The following NOC4L variants were observed in gnomAD, a reference collection of about 807,000 sequenced individuals.
The protein encoded by NOC4L is nucleolar complex associated 4 homolog.
In NOC4L, 40 loss-of-function variants were observed where a neutral mutation model predicts 62.8. The observed-to-expected ratio is 0.64, with a 90% CI of 0.49 to 0.83. NOC4L has a LOEUF of 0.83. Among genes scored for constraint, NOC4L ranks in the 40% least tolerant of loss-of-function variants. The pLI is 0.00. For synonymous variants in NOC4L, 433 were observed against 299.8 expected, an observed-to-expected ratio of 1.44 and a Z score of -4.59; for missense variants, 927 against 701.9, an observed-to-expected ratio of 1.32 and a Z score of -3.62.
chr12:132,145,479 G>C, intron 2 of NOC4L, 80 bp from the exon 3 acceptor site: 1 of 914,592 alleles, frequency 1.1e-6, no homozygotes, highest in Non-Finnish European at 1.7e-6. Context: ...GGAGGGTGGA[G>C]CCAGGCCTGA....
chr12:132,144,825 C>G lies in NOC4L; in HGVS notation c.118-29C>G, dbSNP rs778600944. On this transcript the variant is annotated intron_variant, in intron 1 of 14. Transcript: ENST00000330579. ...AGGGGCGAAGGTGACAGTTGGCGGC[C>G]GGGCACCCTGCCGCCGCCTCTCCTG... 3 of 1,585,200 alleles carry G rather than the reference C, an allele frequency of 1.9e-6. No homozygotes were observed. In the South Asian group the frequency reaches 3.4e-5, roughly 18 times the overall value.
At position 132,147,363 on chromosome 12, in the gene NOC4L, A is replaced by G. The variant is rs1203487380; in HGVS notation, c.428A>G (p.Tyr143Cys). ...GAGAAGTCCAAGTGGGAAGGCAACT[A>G]CCTGTTCCCCCGAGAGCTCTTCAAG... ...PLEKSKWEGN[Y>C]LFPRELFKLV... Residue 143 changes from tyrosine (Y) to cysteine (C), a missense_variant, in exon 4 of 15, where the codon TAC becomes TGC. Tyr to Cys is a radical substitution (Grantham distance 194). Transcript: ENST00000330579. 1.3e-6 allele frequency: 2 copies of G among 1,596,706 alleles called. No individual in the cohort carries two copies. Among genetic ancestry groups the G allele is most frequent in the East Asian group, 4.5e-5 (2 of 44,178 alleles).
intron 3 of NOC4L, 125 bp from the exon 4 acceptor site, chr12:132,147,156 A>ATCTC: frequency 1.1e-5 from 7 of 627,376 alleles, no homozygotes; most frequent in South Asian, 7.4e-5. Flanking sequence ...GTGGAGCAAG[A>ATCTC]GAAGGCCCGG....
intron 8 of NOC4L, 27 bp from the exon 9 acceptor site, chr12:132,148,757 C>T: frequency 8.1e-7 from 1 of 1,239,590 alleles, no homozygotes; most frequent in Non-Finnish European, 1.1e-6. Flanking sequence ...ACCCGCCCCT[C>T]ACCCCCACCT....
At chr12:132,148,221 A>T in intron 7 of NOC4L, 115 bp downstream of exon 7, 2 of 1,103,102 alleles carry the variant, frequency 1.8e-6, no homozygotes, top group Non-Finnish European at 1.3e-6. Context: ...CCCAGGGTAC[A>T]GGTGGCAGCT....
At chr12:132,148,993 GCCGCCT>G in intron 9 of NOC4L, 98 bp downstream of exon 9, 1 of 177,496 alleles carries the variant, frequency 5.6e-6, no homozygotes, top group Non-Finnish European at 1.0e-5. Flanking sequence ...GGTGAGTGCC[GCCGCCT>G]CACTCCTACC....
Position 132,151,560 on chromosome 12 carries a change from C to G in NOC4L, c.1150C>G (p.Leu384Val), listed in dbSNP as rs371477600. 6.2e-7 allele frequency: 1 copy of G among 1,610,216 alleles called. No homozygotes were observed. The highest frequency in any genetic ancestry group is 8.5e-7 in the Non-Finnish European group (1 of 1,179,316). The change falls in exon 12 of 15, where the codon CTG becomes GTG. Residue 384 changes from leucine to valine, a missense_variant. By Grantham distance (32) the Leu-to-Val change is conservative. Transcript: ENST00000330579. ...RLALTAPPEA[L>V]LMVLPFICNL... ...GGCCCTGACGGCTCCCCCTGAGGCC[C>G]TGCTCATGGTCCTGCCTTTCATCTG...
chr12:132,147,979 G>A lies in NOC4L; in HGVS notation c.703G>A (p.Glu235Lys). The change falls in exon 6 of 15, where the codon GAG (glutamate) becomes AAG (lysine). Residue 235 changes from glutamate (E) to lysine (K), a missense_variant and splice_region_variant. Glu to Lys is a moderately conservative substitution (Grantham distance 56). Coordinates refer to ENST00000330579, the MANE Select transcript of NOC4L (RefSeq NM_024078.3). Reference protein sequence around the residue: ...TVSSFYVKRAELWDTWKVAHL... With the variant: ...TVSSFYVKRAKLWDTWKVAHL... ...CTCCAGCTTCTATGTGAAGCGGGCG[G>A]GTGAGTGTGCTGAGAGTCAGGGGCG... 6.2e-7 allele frequency: 1 copy of A among 1,611,296 alleles called. No individual in the cohort carries two copies. The highest frequency in any genetic ancestry group is 8.5e-7 in the Non-Finnish European group (1 of 1,179,138).
intron 9 of NOC4L, 90 bp from the exon 10 acceptor site, chr12:132,150,891 C>G (rs1487192333): frequency 1.1e-6 from 1 of 944,404 alleles, no homozygotes; most frequent in Non-Finnish European, 1.6e-6. Flanking sequence ...GGGGCAGAGG[C>G]CACACTCCAC....
chr12:132,144,794 C>G (rs1897644088), intron 1 of NOC4L, 60 bp from the exon 2 acceptor site: 4 of 1,563,382 alleles, frequency 2.6e-6, no homozygotes, highest in Admixed American at 1.9e-5. Flanking sequence ...TGGGGGCAGC[C>G]TAGGCAGGGG....
rs780800497 is a variant in NOC4L at position 132,151,028 on chromosome 12, C to G, written c.949C>G (p.His317Asp). Residue 317 changes from histidine (H) to aspartate (D), a missense_variant, in exon 10 of 15, where the codon CAC becomes GAC. By Grantham distance (81) the His-to-Asp change is moderately conservative. Coordinates refer to ENST00000330579, the MANE Select transcript of NOC4L (RefSeq NM_024078.3). ...LALNGLFILI[H>D]KHNLEYPDFY... is the part of the protein sequence containing the mutation. ...CTTGAACGGGCTGTTCATCTTGATT[C>G]ACAAACACAACCTGTGAGTGTCACC... The G allele has an allele frequency of 1.9e-6, 3 of 1,611,172 alleles. No individual in the cohort carries two copies. The highest frequency in any genetic ancestry group is 1.1e-5 in the South Asian group (1 of 90,838).
chr12:132,151,714 C>T, intron 12 of NOC4L, 24 bp from the exon 13 acceptor site: 1 of 1,612,272 alleles, frequency 6.2e-7, no homozygotes. Context: ...GGACGGCAGA[C>T]AAGGGCCCAC....
Position 132,151,566 on chromosome 12 carries a change from A to G in NOC4L, c.1156A>G (p.Met386Val), listed in dbSNP as rs369152566. 4.3e-6 allele frequency: 7 copies of G among 1,610,536 alleles called. No individual in the cohort carries two copies. In the African/African-American group the frequency reaches 8.0e-5, roughly 18 times the overall value. Residue 386 changes from methionine to valine, a missense_variant, in exon 12 of 15, where the codon ATG becomes GTG. Transcript: ENST00000330579. ...GACGGCTCCCCCTGAGGCCCTGCTC[A>G]TGGTCCTGCCTTTCATCTGTAACCT... is the stretch of plus-strand genomic sequence containing the variant. ...ALTAPPEALL[M>V]VLPFICNLLR... is the part of the protein sequence containing the mutation.
intron 2 of NOC4L, among the ~76,000 whole-genome samples, chr12:132,145,352 C>T (rs1221420041): frequency 6.6e-6 from 1 of 152,090 alleles, no homozygotes; most frequent in East Asian, 1.9e-4. Flanking sequence ...CTGGGGCAGT[C>T]CTGGGGTAGG....
chr12:132,148,908 G>T lies in NOC4L; in HGVS notation c.901+13G>T. 2 of 1,237,450 alleles carry T rather than the reference G, an allele frequency of 1.6e-6. No homozygotes were observed. The highest frequency in any genetic ancestry group is 1.1e-6 in the Non-Finnish European group (1 of 921,628). 76.7% of individuals were successfully genotyped at this position (1,237,450 alleles called of 1,614,324 possible). A position where few individuals can be genotyped will look rare whatever the true frequency, so the allele number is the denominator to read the frequency against. The stretch of plus-strand genomic sequence containing the variant: ...GCCTGCGACCTCGGTGAGTGCCGCC[G>T]CCTCGCTCACACCACACCCCTAATC... On this transcript the variant is annotated intron_variant, in intron 9 of 14. Coordinates refer to ENST00000330579, the MANE Select transcript of NOC4L (RefSeq NM_024078.3).
intron 10 of NOC4L, 108 bp downstream of exon 10, chr12:132,151,149 G>T: frequency 1.4e-6 from 2 of 1,413,702 alleles, no homozygotes; most frequent in Non-Finnish European, 9.9e-7. Flanking sequence ...ACAGGCCATG[G>T]TGTTGGAGTC....
At position 132,151,490 on chromosome 12, in the gene NOC4L, C is replaced by G. The variant is rs781010093; in HGVS notation, c.1080C>G (p.Leu360=). ...LADLFLSSSH[L]PAYLVAAFAK... The stretch of plus-strand genomic sequence containing the variant: ...CAACCACTGCCCTGCCCAGCCACCT[C>G]CCCGCCTACCTGGTGGCCGCCTTCG... Residue 360 remains leucine (L), a synonymous_variant, in exon 12 of 15, where the codon CTC becomes CTG. Coordinates refer to ENST00000330579, the MANE Select transcript of NOC4L (RefSeq NM_024078.3). 1.4e-5 allele frequency: 22 copies of G among 1,602,502 alleles called. No individual in the cohort carries two copies. In the East Asian group the frequency reaches 4.5e-4, roughly 32 times the overall value.
At chr12:132,151,214 C>G in intron 10 of NOC4L, 44 bp from the exon 11 acceptor site, 7 of 1,548,160 alleles carry the variant, frequency 4.5e-6, no homozygotes, top group East Asian at 2.2e-5. Flanking sequence ...GGCCTCAGTT[C>G]CCGGGCCCTG....
chr12:132,151,670 G>T lies in NOC4L; in HGVS notation c.1234+26G>T, dbSNP rs751587438. The T allele has an allele frequency of 4.3e-6, 7 of 1,611,542 alleles. No individual in the cohort carries two copies. The Admixed American group carries it at 1.2e-4, about 27-fold the overall frequency. On this transcript the variant is annotated intron_variant, in intron 12 of 14. Transcript: ENST00000330579. ...GTGAGTTGCGGGGCCCTCGGAGGCT[G>T]GGCTGGAGCTGGGGCGGGGGTGCCT...
Sources: gnomAD v4.1 joint callset for allele counts (sites outside exome capture counted in the v4.1 genomes callset) on GRCh38, gnomAD v4.1.1 for gene constraint, MANE v1.5 for transcripts, NCBI Gene and HGNC (gene_info 2026-07-23, HGNC 2026-07-21) for gene names.